Variants in FARS2 observed in about 807,000 individuals in gnomAD.
FARS2 encodes phenylalanine--tRNA ligase, mitochondrial.
Under a neutral mutation model 46.4 loss-of-function variants are expected in FARS2, and 40 were observed. That is an observed-to-expected ratio of 0.86 (90% CI 0.67 to 1.12). The LOEUF (loss-of-function observed/expected upper bound fraction) is 1.12, where lower values mean the gene tolerates loss of function less well. FARS2 is among the 50% of genes most tolerant of loss of function. The pLI is 0.00. For missense variants in FARS2, 513 were observed against 567.9 expected, an observed-to-expected ratio of 0.90 and a Z score of 0.98; for synonymous variants, 234 against 214.9, an observed-to-expected ratio of 1.09 and a Z score of -0.78.
intron 5 of FARS2, among the ~76,000 whole-genome samples, chr6:5,601,788 A>G (rs2150635898): frequency 6.6e-6 from 1 of 152,292 alleles, no homozygotes; most frequent in South Asian, 2.1e-4. Context: ...AGTCTCTGGC[A>G]CACAGCACCC....
At chr6:5,336,037 CAG>C (rs1171455679) in intron 1 of FARS2, among the ~76,000 whole-genome samples, 1 of 152,156 alleles carries the variant, frequency 6.6e-6, no homozygotes, top group Non-Finnish European at 1.5e-5. Flanking sequence ...AGTGCAGACT[CAG>C]AGGAGCAGTG....
intron 4 of FARS2, among the ~76,000 whole-genome samples, chr6:5,460,573 G>A (rs1381612061): frequency 1.3e-5 from 2 of 152,170 alleles, no homozygotes; most frequent in Non-Finnish European, 2.9e-5. Context: ...CTTTGGGATG[G>A]GAGGGAGTCA....
At position 5,311,255 on chromosome 6, in the gene FARS2, G is replaced by T. The variant is rs938303929; in HGVS notation, c.-22+49595G>T. ...AGATGTAGTACATGACCCTGTTTGT[G>T]TTAAGAATCAAAAGGAGTATGTTTT... On this transcript the variant is annotated intron_variant, in intron 1 of 6. Transcript: ENST00000274680. This position sits in a 1 kb window ranked among gnomAD's most constrained non-coding sequence, Gnocchi z 4.1. 6.6e-6 allele frequency among the ~76,000 whole-genome samples: 1 copy of T among 152,180 alleles called. No homozygotes were observed. Among genetic ancestry groups the T allele is most frequent in the Non-Finnish European group, 1.5e-5 (1 of 68,018 alleles).
intron 1 of FARS2, among the ~76,000 whole-genome samples, chr6:5,344,609 A>C (rs1274236818): frequency 6.6e-6 from 1 of 152,178 alleles, no homozygotes; most frequent in East Asian, 1.9e-4. Context: ...AATCTGCTCC[A>C]CTAACCAGAG....
At chr6:5,734,648 T>A (rs1314849907) in intron 6 of FARS2, among the ~76,000 whole-genome samples, 2 of 152,200 alleles carry the variant, frequency 1.3e-5, no homozygotes, top group African/African-American at 4.8e-5. Context: ...GTATAAAGTA[T>A]CTTACTGAAT....
intron 4 of FARS2, among the ~76,000 whole-genome samples, chr6:5,524,582 G>A (rs1326326285): frequency 6.6e-6 from 1 of 152,210 alleles, no homozygotes; most frequent in East Asian, 1.9e-4. Context: ...ATACTTACAA[G>A]TACCTTTGTA....
chr6:5,661,627 T>C (rs1777856094), intron 6 of FARS2, among the ~76,000 whole-genome samples: 1 of 152,078 alleles, frequency 6.6e-6, no homozygotes, highest in Admixed American at 6.5e-5. Flanking sequence ...GCCAATGACA[T>C]GATCAACAAA....
intron 6 of FARS2, among the ~76,000 whole-genome samples, chr6:5,659,685 A>G (rs1372969237): frequency 4.6e-5 from 7 of 152,240 alleles, no homozygotes; most frequent in African/African-American, 1.7e-4. Context: ...AGTCACTTAA[A>G]TGCTACATAC....
At chr6:5,401,387 A>T (rs144052859) in intron 2 of FARS2, among the ~76,000 whole-genome samples, 1 of 152,286 alleles carries the variant, frequency 6.6e-6, no homozygotes, top group African/African-American at 2.4e-5. Flanking sequence ...TAGTAAAAGT[A>T]TTCTTTAACT....
At chr6:5,704,826 A>T (rs1758646392) in intron 6 of FARS2, among the ~76,000 whole-genome samples, 1 of 152,238 alleles carries the variant, frequency 6.6e-6, no homozygotes, top group Admixed American at 6.5e-5. Context: ...CTGCAGAGGC[A>T]CTGAACTCTG....
chr6:5,633,262 C>CTTTTTTTTTTT (rs59797062), intron 6 of FARS2, among the ~76,000 whole-genome samples: 1 of 50,084 alleles, frequency 2.0e-5, no homozygotes, highest in African/African-American at 7.2e-5. Flanking sequence ...CCATCCCTGG[C>CTTTTTTTTTTT]TTTTTTTTTT....
intron 1 of FARS2, among the ~76,000 whole-genome samples, chr6:5,270,762 A>C (rs752998542): frequency 2.6e-5 from 4 of 152,070 alleles, no homozygotes; most frequent in Non-Finnish European, 5.9e-5. Flanking sequence ...GCGCTTACCC[A>C]CTTCTCCAGT....
rs1775172556 is a variant in FARS2, at chr6:5,611,340, G to A, written c.1066-1829G>A. Among the ~76,000 whole-genome samples the A allele has an allele frequency of 2.6e-5, 4 of 152,194 alleles. No individual in the cohort carries two copies. The South Asian group carries it at 8.3e-4, about 31-fold the overall frequency. ...TAGGCTGGGCTGGCCTGAACCTACAGAACGTCGGAAAGAGGTAGAAGCTTT... is the reference window on the plus strand; with the variant it reads ...TAGGCTGGGCTGGCCTGAACCTACAAAACGTCGGAAAGAGGTAGAAGCTTT... On this transcript the variant is annotated intron_variant, in intron 5 of 6. Transcript: ENST00000274680.
chr6:5,550,332 G>T (rs1409936036), intron 5 of FARS2, among the ~76,000 whole-genome samples: 2 of 152,132 alleles, frequency 1.3e-5, no homozygotes, highest in Non-Finnish European at 2.9e-5. Flanking sequence ...CTGGAGCCCA[G>T]TGGTGCCATC....
intron 1 of FARS2, among the ~76,000 whole-genome samples, chr6:5,317,513 G>A (rs6927079): frequency 0.18 from 27,878 of 152,128 alleles, 3,031 homozygotes; most frequent in East Asian, 0.48. Context: ...GCGTGTGGTG[G>A]TTCATGCCTG....
intron 1 of FARS2, among the ~76,000 whole-genome samples, chr6:5,317,029 C>T (rs1425216269): frequency 6.6e-6 from 1 of 152,182 alleles, no homozygotes; most frequent in African/African-American, 2.4e-5. Flanking sequence ...TCACACTCAC[C>T]TCCTCTCACA....
chr6:5,439,927 G>A (rs889705212), intron 4 of FARS2, among the ~76,000 whole-genome samples: 9 of 152,064 alleles, frequency 5.9e-5, no homozygotes, highest in African/African-American at 1.9e-4. Context: ...ATTCAGAAAA[G>A]CAAACAAATA....
chr6:5,330,688 A>G (rs1222442798), intron 1 of FARS2, among the ~76,000 whole-genome samples: 1 of 152,214 alleles, frequency 6.6e-6, no homozygotes, highest in Non-Finnish European at 1.5e-5. Flanking sequence ...ATGTTTCCCC[A>G]GAGATATATT....
chr6:5,472,149 G>A (rs746871595), intron 4 of FARS2, among the ~76,000 whole-genome samples: 4 of 152,152 alleles, frequency 2.6e-5, no homozygotes, highest in Admixed American at 2.0e-4. Flanking sequence ...TAATGACGAC[G>A]CATGACTAAT....
Sources: gnomAD v4.1 joint callset for allele counts (sites outside exome capture counted in the v4.1 genomes callset) on GRCh38, gnomAD v4.1.1 for gene constraint, Gnocchi (gnomAD v3.1) non-coding constraint, MANE v1.5 for transcripts, NCBI Gene and HGNC (gene_info 2026-07-23, HGNC 2026-07-21) for gene names.